The following SMAD4 variants were observed in gnomAD, a reference collection of about 807,000 sequenced individuals.
SMAD4 encodes the protein MAD homolog 4.
A neutral mutation model predicts 63.2 loss-of-function variants in SMAD4; 7 were observed. That is an observed-to-expected ratio of 0.11 (90% confidence interval 0.06 to 0.21). The LOEUF (loss-of-function observed/expected upper bound fraction) is 0.21. SMAD4 is among the 10% of genes least tolerant of loss of function. SMAD4 has a pLI of 1.00. For synonymous variants in SMAD4, 215 were observed against 235.4 expected (o/e 0.91, Z 0.79); for missense variants, 312 against 693.8 (o/e 0.45, Z 6.18).
At chr18:51,073,384 T>C (rs1473974124) in intron 10 of SMAD4, among the ~76,000 whole-genome samples, 72 of 85,728 alleles carry the variant, frequency 8.4e-4, no homozygotes, top group African/African-American at 3.2e-3. Context: ...TATATATATA[T>C]ATATACACAC....
intron 1 of SMAD4, among the ~76,000 whole-genome samples, chr18:51,046,704 A>G (rs1485435699): frequency 6.6e-6 from 1 of 152,068 alleles, no homozygotes; most frequent in Non-Finnish European, 1.5e-5. Flanking sequence ...TGTCAAAAAC[A>G]GTGACATTTT....
chr18:51,065,640 A>C, intron 9 of SMAD4, 34 bp downstream of exon 9: 1 of 1,561,078 alleles, frequency 6.4e-7, no homozygotes, highest in Non-Finnish European at 8.8e-7. Context: ...TTACTTTAAA[A>C]AATTGAGCAT....
In SMAD4 at chr18:51,078,876, C is replaced by T. The variant is rs1910538797; in HGVS notation, c.*409C>T. 4.1e-6 allele frequency: 1 copy of T among 246,152 alleles called. No individual in the cohort carries two copies. The highest frequency in any genetic ancestry group is 8.0e-6 in the Non-Finnish European group (1 of 125,514). The allele number at this position is 246,152 out of a possible 1,614,324, so 15.2% of individuals were successfully genotyped here. A position where few individuals can be genotyped will look rare whatever the true frequency, so the allele number is the denominator to read the frequency against. On this transcript the variant is annotated 3_prime_UTR_variant, in exon 12 of 12. Transcript: ENST00000342988. ...CAGAGAAGTTCTCAAAGTTAATTCA[C>T]CTATGTTATTTTGTGTACAAGTTGT...
chr18:51,043,272 G>A (rs183805008), intron 1 of SMAD4, among the ~76,000 whole-genome samples: 1 of 152,222 alleles, frequency 6.6e-6, no homozygotes, highest in African/African-American at 2.4e-5. Context: ...GTAGTGCTTT[G>A]TATATACAGT....
chr18:51,030,356 G>C lies in SMAD4; in HGVS notation c.-395G>C, dbSNP rs1283045496. The C allele has an allele frequency of 6.6e-6, 1 of 152,404 alleles. No individual in the cohort carries two copies. Among genetic ancestry groups the C allele is most frequent in the East Asian group, 1.9e-4 (1 of 5,176 alleles). The allele number at this position is 152,404 out of a possible 1,614,324, so 9.4% of individuals were successfully genotyped here. A position where few individuals can be genotyped will look rare whatever the true frequency, so the allele number is the denominator to read the frequency against. ...GGGAGGCCCTTCCTGCTCTCCCCTA[G>C]GCTCCGCGGCCGCCCAGGGGGTGGG... On this transcript the variant is annotated 5_prime_UTR_variant, in exon 1 of 12. An upstream open reading frame in the 5' UTR loses its in-frame stop. Transcript: ENST00000342988.
chr18:51,073,388 T>TACACACAC (rs201632233), intron 10 of SMAD4, among the ~76,000 whole-genome samples: 19 of 64,152 alleles, frequency 3.0e-4, no homozygotes, highest in African/African-American at 1.1e-3. Flanking sequence ...TATATATATA[T>TACACACAC]ACACACACAC....
At chr18:51,054,495 G>T (rs996811209) in intron 4 of SMAD4, 8 of 402,978 alleles carry the variant, frequency 2.0e-5, no homozygotes, top group Non-Finnish European at 2.7e-5. Flanking sequence ...AGAAACTGAG[G>T]AGTACCTTTT....
rs1292330361 is a variant in SMAD4 at position 51,082,007 on chromosome 18, A to G, written c.*3540A>G. ...AGAGCCTTTTGGGAGAAGCAGTTTT[A>G]TTCTCTGAGTGGAACAGAGTTCTTT... On this transcript the variant is annotated 3_prime_UTR_variant, in exon 12 of 12. Transcript: ENST00000342988. 2 of 231,670 alleles carry G rather than the reference A, an allele frequency of 8.6e-6. No individual in the cohort carries two copies. Among genetic ancestry groups the G allele is most frequent in the East Asian group, 1.2e-4 (2 of 16,338 alleles). The allele number at this position is 231,670 out of a possible 1,614,324, so 14.4% of individuals were successfully genotyped here.
chr18:51,044,178 T>A (rs1434960322), intron 1 of SMAD4, among the ~76,000 whole-genome samples: 1 of 152,196 alleles, frequency 6.6e-6, no homozygotes, highest in African/African-American at 2.4e-5. Flanking sequence ...TGAGTCTCAC[T>A]CTGTTGCCCA....
rs188908208 is a variant in SMAD4 at position 51,076,826 on chromosome 18, A to G, written c.1447+50A>G. ...TAAAGGTATAATAGTTGATATTTTT[A>G]TCTTGATTTACTCAGTTGATTAGTT... On this transcript the variant is annotated intron_variant, in intron 11 of 11. Coordinates refer to ENST00000342988, the MANE Select transcript of SMAD4 (RefSeq NM_005359.6). The G allele has an allele frequency of 5.0e-6, 7 of 1,394,638 alleles. No homozygotes were observed. In the Admixed American group the frequency reaches 1.6e-4, roughly 31 times the overall value. 86.4% of individuals were successfully genotyped at this position (1,394,638 alleles called of 1,614,324 possible). A position where few individuals can be genotyped will look rare whatever the true frequency, so the allele number is the denominator to read the frequency against.
intron 1 of SMAD4, among the ~76,000 whole-genome samples, chr18:51,038,107 A>G (rs546259146): frequency 1.7e-4 from 26 of 152,226 alleles, no homozygotes; most frequent in Non-Finnish European, 3.1e-4. Context: ...TTCTACAATA[A>G]CATATAAAAA....
chr18:51,068,753 C>T (rs1910237987), intron 10 of SMAD4, among the ~76,000 whole-genome samples: 1 of 151,750 alleles, frequency 6.6e-6, no homozygotes, highest in Non-Finnish European at 1.5e-5. Flanking sequence ...ACCCCCATCT[C>T]TACAAAAAAA....
chr18:51,068,722 C>A (rs915102426), intron 10 of SMAD4, among the ~76,000 whole-genome samples: 9 of 149,686 alleles, frequency 6.0e-5, no homozygotes, highest in African/African-American at 9.9e-5. Context: ...AGTTCAAGAC[C>A]AACGTAAGCC....
intron 10 of SMAD4, among the ~76,000 whole-genome samples, chr18:51,074,114 C>G (rs1377263850): frequency 6.6e-6 from 1 of 151,648 alleles, no homozygotes; most frequent in African/African-American, 2.4e-5. Flanking sequence ...TGATTGACTC[C>G]TATAATCCCA....
At position 51,049,292 on chromosome 18, in the gene SMAD4, A is replaced by G. The variant is rs1599182874; in HGVS notation, c.425-3A>G. Reference sequence around the variant, plus strand: ...CATTTGTTTTCCCCTTTAAACAATTAAGATCTCTCAGGATTAACACTGCAG... The same window carrying G: ...CATTTGTTTTCCCCTTTAAACAATTGAGATCTCTCAGGATTAACACTGCAG... On this transcript the variant is annotated splice_polypyrimidine_tract_variant and splice_region_variant and intron_variant, in intron 3 of 11. Transcript: ENST00000342988. 6.3e-7 allele frequency: 1 copy of G among 1,577,000 alleles called. No individual in the cohort carries two copies. Among genetic ancestry groups the G allele is most frequent in the East Asian group, 2.2e-5 (1 of 44,590 alleles).
At chr18:51,051,829 G>A (rs1164367547) in intron 4 of SMAD4, among the ~76,000 whole-genome samples, 2 of 151,086 alleles carry the variant, frequency 1.3e-5, no homozygotes, top group East Asian at 1.9e-4. Flanking sequence ...TTTTTGAGAC[G>A]GAGTTTCGCT....
intron 9 of SMAD4, 85 bp downstream of exon 9, chr18:51,065,691 C>A: frequency 9.5e-7 from 1 of 1,055,208 alleles, no homozygotes; most frequent in Non-Finnish European, 1.4e-6. Context: ...TTCCCATGTA[C>A]ATTATATGTG....
chr18:51,063,989 A>G (rs1910084629), intron 8 of SMAD4, among the ~76,000 whole-genome samples: 1 of 152,024 alleles, frequency 6.6e-6, no homozygotes, highest in Admixed American at 6.5e-5. Context: ...TAGGGTACAT[A>G]GCTTTTACAA....
chr18:51,047,419 C>T, intron 2 of SMAD4, 124 bp downstream of exon 2: 1 of 851,994 alleles, frequency 1.2e-6, no homozygotes, highest in Non-Finnish European at 2.0e-6. Flanking sequence ...ACTGTGCATC[C>T]TGTACAAATA....
Sources: gnomAD v4.1 joint callset for allele counts (sites outside exome capture counted in the v4.1 genomes callset) on GRCh38, gnomAD v4.1.1 for gene constraint, MANE v1.5 for transcripts, NCBI Gene and HGNC (gene_info 2026-07-23, HGNC 2026-07-21) for gene names.